BAALC: variants seen among roughly 807,000 people sequenced by gnomAD.
BAALC encodes brain and acute leukemia cytoplasmic protein.
BAALC carries 9 observed loss-of-function variants against 15.5 expected under a neutral mutation model. The ratio of observed to expected loss-of-function variants is 0.58; its 90% confidence interval spans 0.35 to 1.02. The LOEUF (loss-of-function observed/expected upper bound fraction) is 1.02, where lower values mean the gene tolerates loss of function less well. BAALC is among the 50% of genes least tolerant of loss of function. BAALC has a pLI of 0.02. For missense variants in BAALC, 201 were observed against 192.4 expected, an observed-to-expected ratio of 1.04 and a Z score of -0.27; for synonymous variants, 80 against 74.6, an observed-to-expected ratio of 1.07 and a Z score of -0.37.
At chr8:103,178,729 T>C (rs960183182) in intron 1 of BAALC, among the ~76,000 whole-genome samples, 12 of 151,846 alleles carry the variant, frequency 7.9e-5, no homozygotes, top group African/African-American at 2.9e-4. Context: ...TGGTGGCGTG[T>C]GCCTGTAATC....
intron 1 of BAALC, among the ~76,000 whole-genome samples, chr8:103,158,656 A>C (rs888321635): frequency 4.0e-5 from 6 of 151,812 alleles, no homozygotes; most frequent in African/African-American, 1.5e-4. Context: ...GCACGGATAC[A>C]TAGGACAATA....
chr8:103,143,005 G>C (rs1365147862), intron 1 of BAALC, among the ~76,000 whole-genome samples: 2 of 152,220 alleles, frequency 1.3e-5, no homozygotes, highest in African/African-American at 4.8e-5. Flanking sequence ...CAAGACGCTT[G>C]TATGGGCAGG....
intron 1 of BAALC, among the ~76,000 whole-genome samples, chr8:103,156,500 G>T (rs1386028238): frequency 6.6e-6 from 1 of 152,176 alleles, no homozygotes; most frequent in African/African-American, 2.4e-5. Flanking sequence ...GGAATGTTGG[G>T]ATGCCTTAAT....
chr8:103,155,173 T>C (rs72507596), intron 1 of BAALC, among the ~76,000 whole-genome samples: 17,214 of 152,158 alleles, frequency 0.11, 1,409 homozygotes, highest in East Asian at 0.42. Flanking sequence ...TCTATTAGAT[T>C]GGACCAAAAA....
intron 1 of BAALC, among the ~76,000 whole-genome samples, chr8:103,150,787 C>T (rs1810969534): frequency 1.3e-5 from 2 of 152,178 alleles, no homozygotes; most frequent in Non-Finnish European, 2.9e-5. Flanking sequence ...GGATTCTTGA[C>T]CTTCTTCTCT....
At chr8:103,217,255 G>A (rs543269993) in intron 2 of BAALC, among the ~76,000 whole-genome samples, 1 of 152,248 alleles carries the variant, frequency 6.6e-6, no homozygotes, top group Admixed American at 6.5e-5. Flanking sequence ...TACATCCTGC[G>A]ACCTCACCAG....
intron 1 of BAALC, chr8:103,153,047 A>G (rs539455534): frequency 4.9e-4 from 74 of 152,356 alleles, no homozygotes; most frequent in African/African-American, 1.5e-3. Context: ...TAGGAACTCA[A>G]AACTTTTAGC....
At chr8:103,215,061 A>C (rs1246782497) in intron 2 of BAALC, 1 of 151,998 alleles carries the variant, frequency 6.6e-6, no homozygotes, top group Admixed American at 6.6e-5. Context: ...TTGTGCCCTT[A>C]CCCTCTGAGC....
intron 2 of BAALC, among the ~76,000 whole-genome samples, chr8:103,223,208 T>G (rs1812720774): frequency 6.6e-6 from 1 of 152,176 alleles, no homozygotes; most frequent in South Asian, 2.1e-4. Context: ...CTCGGGAGGC[T>G]GAGGCAGGAG....
At chr8:103,174,283 G>T (rs1176248226) in intron 1 of BAALC, among the ~76,000 whole-genome samples, 1 of 149,698 alleles carries the variant, frequency 6.7e-6, no homozygotes, top group Non-Finnish European at 1.5e-5. Context: ...AAAAGTGCCA[G>T]TCTGTTCTGG....
At chr8:103,194,451 C>A (rs1182738244) in intron 1 of BAALC, among the ~76,000 whole-genome samples, 1 of 152,068 alleles carries the variant, frequency 6.6e-6, no homozygotes, top group African/African-American at 2.4e-5. Context: ...AGAAGCAAAC[C>A]GTGAGGTCAT....
intron 1 of BAALC, among the ~76,000 whole-genome samples, chr8:103,196,242 G>A (rs915501121): frequency 1.3e-5 from 2 of 152,070 alleles, no homozygotes; most frequent in Non-Finnish European, 2.9e-5. Context: ...TCTATGAAGA[G>A]GTAGGCCATG....
At chr8:103,171,559 T>G (rs1362879461) in intron 1 of BAALC, among the ~76,000 whole-genome samples, 1 of 152,232 alleles carries the variant, frequency 6.6e-6, no homozygotes, top group Non-Finnish European at 1.5e-5. Flanking sequence ...ATATCCAGAT[T>G]CTAGTCCCTC....
intron 1 of BAALC, among the ~76,000 whole-genome samples, chr8:103,162,832 ACG>A (rs1811257800): frequency 2.0e-5 from 3 of 152,184 alleles, no homozygotes; most frequent in African/African-American, 7.2e-5. Flanking sequence ...CTGGTAAGAC[ACG>A]AGACTCCAGG....
At chr8:103,176,833 C>T (rs1244408451) in intron 1 of BAALC, among the ~76,000 whole-genome samples, 3 of 152,100 alleles carry the variant, frequency 2.0e-5, no homozygotes, top group Admixed American at 6.6e-5. Context: ...ATCAATAGTT[C>T]GAAGGAAGAA....
At chr8:103,174,626 T>C (rs1038156352) in intron 1 of BAALC, among the ~76,000 whole-genome samples, 2 of 152,210 alleles carry the variant, frequency 1.3e-5, no homozygotes, top group African/African-American at 4.8e-5. Flanking sequence ...GGAAGACACC[T>C]GAGGATAGAG....
chr8:103,185,376 CT>C (rs1312943896), intron 1 of BAALC, among the ~76,000 whole-genome samples: 1 of 152,126 alleles, frequency 6.6e-6, no homozygotes, highest in Non-Finnish European at 1.5e-5. Flanking sequence ...TTTTTTTCCT[CT>C]GTGTTTTCAT....
chr8:103,172,680 C>G (rs984603796), intron 1 of BAALC, among the ~76,000 whole-genome samples: 1 of 152,266 alleles, frequency 6.6e-6, no homozygotes, highest in Non-Finnish European at 1.5e-5. Context: ...CAGACATGAG[C>G]CACCATGCCC....
At chr8:103,147,474 T>C (rs1810901147) in intron 1 of BAALC, among the ~76,000 whole-genome samples, 1 of 152,232 alleles carries the variant, frequency 6.6e-6, no homozygotes, top group Non-Finnish European at 1.5e-5. Flanking sequence ...ATTGCAGATT[T>C]TTTTTTCTTC....
Sources: gnomAD v4.1 joint callset for allele counts (sites outside exome capture counted in the v4.1 genomes callset) on GRCh38, gnomAD v4.1.1 for gene constraint, MANE v1.5 for transcripts, NCBI Gene and HGNC (gene_info 2026-07-23, HGNC 2026-07-21) for gene names.